SMAD7: variants seen among roughly 807,000 people sequenced by gnomAD.
SMAD7 encodes MAD (mothers against decapentaplegic, Drosophila) homolog 7.
SMAD7 carries 8 observed loss-of-function variants against 38.7 expected under a neutral mutation model. That is an observed-to-expected ratio of 0.21 (90% CI 0.12 to 0.37). The LOEUF (loss-of-function observed/expected upper bound fraction) is 0.37, where lower values mean the gene tolerates loss of function less well. Among genes scored for constraint, SMAD7 ranks in the 10% least tolerant of loss-of-function variants. SMAD7 has a pLI of 1.00. For synonymous variants in SMAD7, 327 were observed against 265.1 expected, an observed-to-expected ratio of 1.23 and a Z score of -2.27; for missense variants, 477 against 577.9, an observed-to-expected ratio of 0.83 and a Z score of 1.79.
chr18:48,924,473 T>C (rs376549753), intron 3 of SMAD7, among the ~76,000 whole-genome samples: 1 of 152,024 alleles, frequency 6.6e-6, no homozygotes, highest in African/African-American at 2.4e-5. Flanking sequence ...GAGCCTGAGA[T>C]CTGTAGCAGG....
intron 3 of SMAD7, among the ~76,000 whole-genome samples, chr18:48,929,349 G>T (rs1002860944): frequency 6.6e-6 from 1 of 152,016 alleles, no homozygotes; most frequent in Non-Finnish European, 1.5e-5. Flanking sequence ...GAAGACACAA[G>T]GGCTGGGACA....
rs2337108 is a variant in SMAD7 at position 48,947,364 on chromosome 18, G to A, written c.667+1020C>T. 1.4e-4 allele frequency among the ~76,000 whole-genome samples: 21 copies of A among 152,204 alleles called. 1 individual carries two copies. The East Asian group carries it at 3.1e-3, about 22-fold the overall frequency. ...CGCCCCAGCAAAACTTTTAATTAGT[G>A]GGGGGAAAGGCCCAACAGCCAAAAC... On this transcript the variant is annotated intron_variant, in intron 2 of 3. Transcript: ENST00000262158.
chr18:48,926,668 C>A (rs1164296170), intron 3 of SMAD7, among the ~76,000 whole-genome samples: 1 of 152,222 alleles, frequency 6.6e-6, no homozygotes, highest in Non-Finnish European at 1.5e-5. Flanking sequence ...AGACAGCTTG[C>A]ACCTGGCAAC....
chr18:48,925,832 C>T (rs1319456238), intron 3 of SMAD7, among the ~76,000 whole-genome samples: 3 of 152,072 alleles, frequency 2.0e-5, no homozygotes, highest in Admixed American at 2.0e-4. Context: ...CTGCAAGCTC[C>T]GCCTCCCGGG....
chr18:48,949,663 C>G, intron 1 of SMAD7, 149 bp downstream of exon 1: 1 of 798,448 alleles, frequency 1.3e-6, no homozygotes, highest in East Asian at 3.2e-5. Context: ...GGAGGGTATG[C>G]ACACTCTCCC....
At chr18:48,931,925 G>A (rs1392685748) in intron 3 of SMAD7, among the ~76,000 whole-genome samples, 5 of 152,174 alleles carry the variant, frequency 3.3e-5, no homozygotes, top group Admixed American at 2.6e-4. Flanking sequence ...GGAAGGTGGG[G>A]GGGCTTCTGA....
rs138299288 is a variant in SMAD7 at position 48,943,628 on chromosome 18, C to T, written c.668-1073G>A. ...GCTAAGGAAAGGTGCTGCCCAGGTC[C>T]GCAGCAAACACAACAGGTTGGATCG... On this transcript the variant is annotated intron_variant, in intron 2 of 3. Coordinates refer to ENST00000262158, the MANE Select transcript of SMAD7 (RefSeq NM_005904.4). Among the ~76,000 whole-genome samples, 524 of 152,272 alleles carry T rather than the reference C, an allele frequency of 3.4e-3. 1 individual carries two copies. Among genetic ancestry groups the T allele is most frequent in the African/African-American group, 9.8e-3 (409 of 41,536 alleles).
Position 48,948,407 on chromosome 18 carries a change from G to T in SMAD7, c.644C>A (p.Pro215Gln). 1 of 1,602,386 alleles carries T rather than the reference G, an allele frequency of 6.2e-7. No homozygotes were observed. Among genetic ancestry groups the T allele is most frequent in the South Asian group, 1.1e-5 (1 of 88,812 alleles). The change falls in exon 2 of 4, where the codon CCG becomes CAG. Residue 215 changes from proline (P) to glutamine (Q), a missense_variant. By Grantham distance (76) the Pro-to-Gln change is moderately conservative. Transcript: ENST00000262158. ...ACCAGTTGGTTTGAGAAAATCCATC[G>T]GGTATCTGGAGTAAGGAGGGGGGGG... is the stretch of plus-strand genomic sequence containing the variant. ...ESPPPPYSRY[P>Q]MDFLKPTADC...
At position 48,949,960 on chromosome 18, in the gene SMAD7, G is replaced by A. The variant is rs780713341; in HGVS notation, c.465C>T (p.Leu155=). Residue 155 remains leucine, a synonymous_variant, in exon 1 of 4, where the codon CTC becomes CTT. Transcript: ENST00000262158. The part of the protein sequence containing the change: ...QPAQPPSSYS[L]PLLLCKVFRW... Reference sequence around the variant, plus strand: ...TGAACACTTTGCACAGCAGGAGGGGGAGCGAGTAGGACGAGGGCGGCTGCG... The same window carrying A: ...TGAACACTTTGCACAGCAGGAGGGGAAGCGAGTAGGACGAGGGCGGCTGCG... 8 of 1,610,548 alleles carry A rather than the reference G, an allele frequency of 5.0e-6. No individual in the cohort carries two copies. The East Asian group carries it at 1.6e-4, about 32-fold the overall frequency.
intron 3 of SMAD7, among the ~76,000 whole-genome samples, chr18:48,937,393 G>T (rs1283396519): frequency 1.3e-5 from 2 of 151,578 alleles, no homozygotes; most frequent in South Asian, 2.1e-4. Context: ...CTCTCCCTTT[G>T]CTGGCCCAGT....
intron 3 of SMAD7, among the ~76,000 whole-genome samples, chr18:48,927,497 C>T (rs1389511104): frequency 6.6e-6 from 1 of 152,150 alleles, no homozygotes. Context: ...CTGTGCCAAC[C>T]CCAGAGGTGA....
intron 3 of SMAD7, among the ~76,000 whole-genome samples, chr18:48,929,685 A>C (rs751780064): frequency 1.3e-5 from 2 of 152,048 alleles, no homozygotes; most frequent in Non-Finnish European, 2.9e-5. Context: ...AGGACAGGAC[A>C]GTTTTTCCCT....
chr18:48,947,891 T>TA (rs1555718365), intron 2 of SMAD7, among the ~76,000 whole-genome samples: 5 of 90,642 alleles, frequency 5.5e-5, no homozygotes, highest in African/African-American at 3.0e-4. Context: ...AGGAGGAACC[T>TA]ACCCCCCCCC....
At chr18:48,935,769 C>G (rs1430997913) in intron 3 of SMAD7, among the ~76,000 whole-genome samples, 4 of 152,176 alleles carry the variant, frequency 2.6e-5, no homozygotes, top group Non-Finnish European at 5.9e-5. Flanking sequence ...ACAGATGTGT[C>G]TGCTTGCTCA....
chr18:48,937,702 G>A (rs2143796086), intron 3 of SMAD7, among the ~76,000 whole-genome samples: 1 of 152,316 alleles, frequency 6.6e-6, no homozygotes, highest in Non-Finnish European at 1.5e-5. Context: ...TGTTTAAGGA[G>A]AGGCAGAAGG....
At chr18:48,944,069 A>T (rs2070171015) in intron 2 of SMAD7, among the ~76,000 whole-genome samples, 1 of 152,152 alleles carries the variant, frequency 6.6e-6, no homozygotes, top group African/African-American at 2.4e-5. Flanking sequence ...GTTTTACAGG[A>T]TACACTTAAT....
Position 48,927,552 on chromosome 18 carries a change from C to G in SMAD7, c.743-5642G>C, listed in dbSNP as rs528545977. Among the ~76,000 whole-genome samples, 5 of 152,326 alleles carry G rather than the reference C, an allele frequency of 3.3e-5. 1 individual carries two copies. The highest frequency in any genetic ancestry group is 1.2e-4 in the African/African-American group (5 of 41,580). ...AGATATGCATTTCACACCAACCTCG[C>G]ATGCAGCCTCCCGGTAAGTTCAGCT... On this transcript the variant is annotated intron_variant, in intron 3 of 3. Transcript: ENST00000262158.
chr18:48,949,972 C>A lies in SMAD7; in HGVS notation c.453G>T (p.Ser151=), dbSNP rs1331333720. The change falls in exon 1 of 4, where the codon TCG becomes TCT. Residue 151 remains serine (S), a synonymous_variant. Coordinates refer to ENST00000262158, the MANE Select transcript of SMAD7 (RefSeq NM_005904.4). ...PAGAQPAQPP[S]SYSLPLLLCK... is the part of the protein sequence containing the mutation. ...ACAGCAGGAGGGGGAGCGAGTAGGA[C>A]GAGGGCGGCTGCGCAGGCTGCGCGC... 6 of 1,603,652 alleles carry A rather than the reference C, an allele frequency of 3.7e-6. No homozygotes were observed. Among genetic ancestry groups the A allele is most frequent in the Non-Finnish European group, 5.1e-6 (6 of 1,175,672 alleles).
chr18:48,947,524 A>T (rs2070208371), intron 2 of SMAD7, among the ~76,000 whole-genome samples: 1 of 152,226 alleles, frequency 6.6e-6, no homozygotes, highest in South Asian at 2.1e-4. Context: ...GTATACAGGC[A>T]CAAAAACCAA....
Sources: gnomAD v4.1 joint callset for allele counts (sites outside exome capture counted in the v4.1 genomes callset) on GRCh38, gnomAD v4.1.1 for gene constraint, MANE v1.5 for transcripts, NCBI Gene and HGNC (gene_info 2026-07-23, HGNC 2026-07-21) for gene names.